The following ALG5 variants were observed in gnomAD, a reference collection of about 807,000 sequenced individuals.
ALG5 encodes the protein ALG5 dolichyl-phosphate beta-glucosyltransferase.
Under a neutral mutation model 51.8 loss-of-function variants are expected in ALG5, and 26 were observed. That is an observed-to-expected ratio of 0.50 (90% confidence interval 0.37 to 0.70). ALG5 has a LOEUF of 0.70. ALG5 is among the 30% of genes least tolerant of loss of function. ALG5 has a pLI of 0.00. For missense variants in ALG5, 311 were observed against 399.3 expected, an observed-to-expected ratio of 0.78 and a Z score of 1.88; for synonymous variants, 141 against 136.1, an observed-to-expected ratio of 1.04 and a Z score of -0.25.
chr13:36,956,516 A>G (rs2058840317), intron 8 of ALG5, among the ~76,000 whole-genome samples: 1 of 152,208 alleles, frequency 6.6e-6, no homozygotes, highest in African/African-American at 2.4e-5. Context: ...TGTTGAGGAG[A>G]TAACTGCACT....
intron 1 of ALG5, among the ~76,000 whole-genome samples, chr13:36,995,840 T>A (rs1366349699): frequency 6.6e-6 from 1 of 152,094 alleles, no homozygotes; most frequent in South Asian, 2.1e-4. Context: ...CTCTGTCTCT[T>A]CCCAGTCATC....
intron 7 of ALG5, among the ~76,000 whole-genome samples, chr13:36,969,354 A>G (rs2058910225): frequency 1.3e-5 from 2 of 150,902 alleles, no homozygotes; most frequent in South Asian, 4.2e-4. Context: ...GTATTTGGCT[A>G]TTTTTCCAAA....
chr13:36,977,053 T>C (rs2058955330), intron 6 of ALG5, among the ~76,000 whole-genome samples: 1 of 152,224 alleles, frequency 6.6e-6, no homozygotes, highest in African/African-American at 2.4e-5. Context: ...AAACTTTCTT[T>C]TACAAATCTC....
chr13:36,963,811 G>T (rs930616207), intron 8 of ALG5, among the ~76,000 whole-genome samples: 1 of 152,146 alleles, frequency 6.6e-6, no homozygotes, highest in African/African-American at 2.4e-5. Flanking sequence ...AAAAATTGTA[G>T]AGAGTATAAA....
chr13:36,975,040 G>A (rs754815750), intron 6 of ALG5, among the ~76,000 whole-genome samples: 8 of 152,116 alleles, frequency 5.3e-5, no homozygotes, highest in Non-Finnish European at 1.5e-5. Flanking sequence ...GTGAAACCCT[G>A]TCTCTACTAA....
intron 8 of ALG5, among the ~76,000 whole-genome samples, chr13:36,963,400 A>G (rs1171140322): frequency 6.6e-6 from 1 of 152,222 alleles, no homozygotes; most frequent in East Asian, 1.9e-4. Context: ...TATTTCAACA[A>G]AAATGAAAGA....
At chr13:36,967,250 A>G (rs2058898939) in intron 7 of ALG5, among the ~76,000 whole-genome samples, 1 of 151,770 alleles carries the variant, frequency 6.6e-6, no homozygotes, top group Admixed American at 6.6e-5. Context: ...AAAAAAGAAA[A>G]GAAAAGAAAA....
chr13:36,961,804 C>G (rs898673671), intron 8 of ALG5, among the ~76,000 whole-genome samples: 25 of 152,156 alleles, frequency 1.6e-4, no homozygotes, highest in Non-Finnish European at 3.7e-4. Flanking sequence ...TTTTTTGAGA[C>G]AGAGTTTCAC....
chr13:36,997,453 C>G (rs1336357096), intron 1 of ALG5, among the ~76,000 whole-genome samples: 2 of 107,344 alleles, frequency 1.9e-5, no homozygotes. Flanking sequence ...GTGACAAGAG[C>G]CAGACTCCGT....
chr13:36,967,721 C>T (rs374810088), intron 7 of ALG5: 1 of 806,468 alleles, frequency 1.2e-6, no homozygotes, highest in African/African-American at 1.8e-5. Context: ...CTTTAGGAAT[C>T]TCACAACAGC....
chr13:36,996,164 G>T (rs762807570), intron 1 of ALG5, among the ~76,000 whole-genome samples: 1 of 152,154 alleles, frequency 6.6e-6, no homozygotes, highest in East Asian at 1.9e-4. Flanking sequence ...CACTTAACTC[G>T]AATTTGAATT....
intron 6 of ALG5, among the ~76,000 whole-genome samples, chr13:36,974,311 C>G (rs914222029): frequency 6.6e-6 from 1 of 152,088 alleles, no homozygotes. Context: ...GTATATCTTT[C>G]TTATACCATT....
At chr13:36,968,390 C>T (rs575426056) in intron 7 of ALG5, among the ~76,000 whole-genome samples, 2 of 152,072 alleles carry the variant, frequency 1.3e-5, no homozygotes, top group East Asian at 3.9e-4. Context: ...CAAAGAAGTC[C>T]CAGGACTTAA....
At chr13:36,972,223 A>G (rs1202636009) in intron 6 of ALG5, among the ~76,000 whole-genome samples, 187 bp from the exon 7 acceptor site, 2 of 152,194 alleles carry the variant, frequency 1.3e-5, no homozygotes, top group Non-Finnish European at 2.9e-5. Flanking sequence ...CTAAGAGGAC[A>G]CTAAATTTTG....
chr13:36,964,907 A>T lies in ALG5; in HGVS notation c.773+668T>A, dbSNP rs1473137622. Among the ~76,000 whole-genome samples, 3 of 126,998 alleles carry T rather than the reference A, an allele frequency of 2.4e-5. No homozygotes were observed. The East Asian group carries it at 7.8e-4, about 33-fold the overall frequency. 83.3% of individuals were successfully genotyped at this position (126,998 alleles called of 152,430 possible). A position where few individuals can be genotyped will look rare whatever the true frequency, so the allele number is the denominator to read the frequency against. The stretch of plus-strand genomic sequence containing the variant: ...GCCATTGTACTCCATCCTGGGCAAC[A>T]AGAGCGAAACTCAAAAAAAAAAAAA... On this transcript the variant is annotated intron_variant, in intron 8 of 9. Coordinates refer to ENST00000239891, the MANE Select transcript of ALG5 (RefSeq NM_013338.5).
chr13:36,966,357 A>C (rs2058893466), intron 7 of ALG5, among the ~76,000 whole-genome samples: 1 of 152,258 alleles, frequency 6.6e-6, no homozygotes, highest in Admixed American at 6.5e-5. Flanking sequence ...CACTACTGTT[A>C]CTGATGATTA....
intron 4 of ALG5, among the ~76,000 whole-genome samples, chr13:36,992,545 A>G (rs899455971): frequency 6.6e-6 from 1 of 152,216 alleles, no homozygotes; most frequent in Non-Finnish European, 1.5e-5. Context: ...TGCACAATGA[A>G]GCTTTACAGC....
chr13:36,985,550 T>A, intron 6 of ALG5, 77 bp downstream of exon 6: 1 of 1,185,790 alleles, frequency 8.4e-7, no homozygotes, highest in Non-Finnish European at 1.2e-6. Context: ...AACTGATAGG[T>A]AAACTCTCCT....
At chr13:36,996,666 C>T (rs532052062) in intron 1 of ALG5, among the ~76,000 whole-genome samples, 74 of 152,186 alleles carry the variant, frequency 4.9e-4, no homozygotes, top group African/African-American at 1.7e-3. Flanking sequence ...GGGTAAGATG[C>T]AGGAAGGATC....
Sources: allele counts gnomAD v4.1 joint callset (sites outside exome capture counted in the v4.1 genomes callset), GRCh38; gene constraint gnomAD v4.1.1; transcripts MANE v1.5; gene names NCBI Gene and HGNC (gene_info 2026-07-23, HGNC 2026-07-21).